The following WDR18 variants were observed in gnomAD, a reference collection of about 807,000 sequenced individuals.
WDR18 encodes the protein WD repeat-containing protein 18.
In WDR18, 33 loss-of-function variants were observed where a neutral mutation model predicts 49.6. The observed-to-expected ratio is 0.67, with a 90% CI of 0.50 to 0.89. The LOEUF (loss-of-function observed/expected upper bound fraction) is 0.89. Among genes scored for constraint, WDR18 ranks in the 40% least tolerant of loss-of-function variants. The probability of loss-of-function intolerance (pLI) is 0.00; values close to 1 mark genes in which losing one functional copy is unlikely to be tolerated. For synonymous variants in WDR18, 315 were observed against 263.6 expected, an observed-to-expected ratio of 1.19 and a Z score of -1.89; for missense variants, 653 against 593.6, an observed-to-expected ratio of 1.10 and a Z score of -1.04.
intron 1 of WDR18, among the ~76,000 whole-genome samples, chr19:984,856 C>T (rs909772303): frequency 2.0e-5 from 3 of 152,024 alleles, no homozygotes; most frequent in African/African-American, 7.3e-5. Flanking sequence ...TGCACGAGTT[C>T]TTGGAGCGCG....
rs1387039837 is a variant in WDR18, at chr19:994,477, CTG to C, written c.*136_*137del. ...TCTGTGTCGTGTTCGGGTTTTTCCTCTGTGACTGGGCCGTCTTGGTGTCTCGT... is the reference window on the plus strand; with the variant it reads ...TCTGTGTCGTGTTCGGGTTTTTCCTCTGACTGGGCCGTCTTGGTGTCTCGT... On this transcript the variant is annotated 3_prime_UTR_variant, in exon 10 of 10. Transcript: ENST00000585809. 2 of 1,319,492 alleles carry C rather than the reference CTG, an allele frequency of 1.5e-6. No individual in the cohort carries two copies. Among genetic ancestry groups the C allele is most frequent in the Non-Finnish European group, 2.0e-6 (2 of 986,316 alleles). The allele number at this position is 1,319,492 out of a possible 1,614,324, so 81.7% of individuals were successfully genotyped here. A position where few individuals can be genotyped will look rare whatever the true frequency, so the allele number is the denominator to read the frequency against.
rs986352491 is a variant in WDR18, at chr19:987,842, T to C, written c.321+1867T>C. Among the ~76,000 whole-genome samples, 3 of 142,562 alleles carry C rather than the reference T, an allele frequency of 2.1e-5. 1 individual carries two copies. The highest frequency in any genetic ancestry group is 8.1e-5 in the African/African-American group (3 of 37,034). 93.5% of individuals were successfully genotyped at this position (142,562 alleles called of 152,430 possible). ...TAGCCGCCTCCAGTTTTTTTTTTTT[T>C]TTTTTTTTTTCAGATGAAGTCTCGC... On this transcript the variant is annotated intron_variant, in intron 2 of 9. Coordinates refer to ENST00000585809, the MANE Select transcript of WDR18 (RefSeq NM_024100.4).
At chr19:988,128 C>T (rs150444140) in intron 2 of WDR18, among the ~76,000 whole-genome samples, 84 of 147,316 alleles carry the variant, frequency 5.7e-4, no homozygotes, top group African/African-American at 2.0e-3. Context: ...CTGCAGCTGG[C>T]CCTCCTGGAG....
At chr19:984,048 G>C (rs1044304192), upstream of WDR18, among the ~76,000 whole-genome samples, 1 of 152,180 alleles carries the variant, frequency 6.6e-6, no homozygotes, top group Non-Finnish European at 1.5e-5. Context: ...TGAGTCACTT[G>C]GCCAAAAATG....
In WDR18 at chr19:994,294, C is replaced by A. The variant is rs767939373; in HGVS notation, c.1249C>A (p.Arg417=). 1.9e-6 allele frequency: 3 copies of A among 1,611,114 alleles called. No homozygotes were observed. Among genetic ancestry groups the A allele is most frequent in the Non-Finnish European group, 2.5e-6 (3 of 1,179,360 alleles). Residue 417 remains arginine (R), a synonymous_variant, in exon 10 of 10, where the codon CGG becomes AGG. Transcript: ENST00000585809. The stretch of plus-strand genomic sequence containing the variant: ...GGTGCGCAACCTGCGCAAGATCAAT[C>A]GGGACCTGTTCGACTTCTCCACGCG... ...DEVRNLRKIN[R]DLFDFSTRFI...
At chr19:984,149 C>CA (rs994249728), upstream of WDR18, 16 of 546,756 alleles carry the variant, frequency 2.9e-5, no homozygotes, top group Admixed American at 4.3e-5. Flanking sequence ...GTCGCCTCCC[C>CA]AGATCTCTAA....
Position 984,348 on chromosome 19 carries a change from GGCAAGATGGCGGC to G in WDR18, c.-3_10del. The G allele has an allele frequency of 6.3e-7, 1 of 1,587,604 alleles. No individual in the cohort carries two copies. Among genetic ancestry groups the G allele is most frequent in the East Asian group, 2.4e-5 (1 of 41,354 alleles). ...GACGCACGTCCGGGGCGGTGGGGAA[GGCAAGATGGCGGC>G]GCCCATGGAGGTGGCCGTGTGTACG... On this transcript the variant is annotated start_lost and 5_prime_UTR_variant, in exon 1 of 10. Coordinates refer to ENST00000585809, the MANE Select transcript of WDR18 (RefSeq NM_024100.4).
Position 991,977 on chromosome 19 carries a change from C to T in WDR18, c.954C>T (p.Ile318=), listed in dbSNP as rs2038562206. The change falls in exon 8 of 10, where the codon ATC becomes ATT. Residue 318 remains isoleucine, a synonymous_variant. Transcript: ENST00000585809. ...CAGGCCCAGTCACCAATGCCGCCAT[C>T]CTGCTGGCGCCCGTCAGCATGCTGA... ...ALKGPVTNAA[I]LLAPVSMLSS... is the part of the protein sequence containing the mutation. 1 of 1,594,040 alleles carries T rather than the reference C, an allele frequency of 6.3e-7. No individual in the cohort carries two copies. Among genetic ancestry groups the T allele is most frequent in the Admixed American group, 1.7e-5 (1 of 59,220 alleles).
Position 990,878 on chromosome 19 carries a change from G to A in WDR18, c.624G>A (p.Leu208=). 6 of 1,611,726 alleles carry A rather than the reference G, an allele frequency of 3.7e-6. No homozygotes were observed. The highest frequency in any genetic ancestry group is 5.1e-6 in the Non-Finnish European group (6 of 1,179,308). The change falls in exon 5 of 10, where the codon CTG becomes CTA. Residue 208 remains leucine, a synonymous_variant. Coordinates refer to ENST00000585809, the MANE Select transcript of WDR18 (RefSeq NM_024100.4). ...TATGGGAGGTCTCCTCGGGGGAGCT[G>A]CTGCTCTCCGTCCTCTTTGACGTGT... ...VKLWEVSSGE[L]LLSVLFDVSI... is the part of the protein sequence containing the mutation.
chr19:987,829 G>GTTTTTTTTTT lies in WDR18; in HGVS notation c.321+1868_321+1877dup, dbSNP rs71174337. On this transcript the variant is annotated intron_variant, in intron 2 of 9. Coordinates refer to ENST00000585809, the MANE Select transcript of WDR18 (RefSeq NM_024100.4). ...ACCCCTGCTCCCCTAGCCGCCTCCAGTTTTTTTTTTTTTTTTTTTTTTTCA... is the reference window on the plus strand; with the variant it reads ...ACCCCTGCTCCCCTAGCCGCCTCCAGTTTTTTTTTTTTTTTTTTTTTTTTTTTTTTTTTCA... Among the ~76,000 whole-genome samples the GTTTTTTTTTT allele has an allele frequency of 1.0e-3, 96 of 91,796 alleles. 18 individuals are homozygous for GTTTTTTTTTT. The highest frequency in any genetic ancestry group is 4.0e-3 in the African/African-American group (75 of 18,930). The allele number at this position is 91,796 out of a possible 152,430, so 60.2% of individuals were successfully genotyped here.
chr19:987,191 A>C (rs2038484191), intron 2 of WDR18, among the ~76,000 whole-genome samples: 1 of 152,122 alleles, frequency 6.6e-6, no homozygotes, highest in African/African-American at 2.4e-5. Flanking sequence ...AAAAATAGAA[A>C]AATTAGCTGG....
In WDR18 at chr19:985,900, T is replaced by A. The variant is rs10424540; in HGVS notation, c.246T>A (p.Pro82=). 2.4e-4 allele frequency: 389 copies of A among 1,613,918 alleles called. No individual in the cohort carries two copies. In the African/African-American group the frequency reaches 4.0e-3, roughly 17 times the overall value. Residue 82 remains proline (P), a synonymous_variant, in exon 2 of 10, where the codon CCT becomes CCA. Coordinates refer to ENST00000585809, the MANE Select transcript of WDR18 (RefSeq NM_024100.4). The part of the protein sequence containing the change: ...QLQQKIMCPG[P]VTCLTASPNG... ...AGCAGAAGATCATGTGCCCCGGGCC[T>A]GTCACCTGTCTGACTGCATCACCCA... is the stretch of plus-strand genomic sequence containing the variant.
chr19:991,752 G>C (rs966426433), intron 7 of WDR18, among the ~76,000 whole-genome samples: 1 of 80,452 alleles, frequency 1.2e-5, no homozygotes, highest in African/African-American at 5.2e-5. Flanking sequence ...GCCTGGCTGG[G>C]GGCGTGAACT....
chr19:990,613 G>A, intron 4 of WDR18: 1 of 804,444 alleles, frequency 1.2e-6, no homozygotes, highest in Non-Finnish European at 1.9e-6. Flanking sequence ...CTATGCTTGA[G>A]TCGTGACCGG....
At position 991,307 on chromosome 19, in the gene WDR18, G is replaced by A; in HGVS notation, c.887G>A (p.Trp296Ter). The A allele has an allele frequency of 1.3e-6, 2 of 1,560,626 alleles. No homozygotes were observed. Among genetic ancestry groups the A allele is most frequent in the Non-Finnish European group, 1.7e-6 (2 of 1,152,404 alleles). Residue 296 changes from tryptophan (W) to a stop codon, truncating the protein, a stop_gained, in exon 7 of 10, where the codon TGG becomes TAG. Transcript: ENST00000585809. LOFTEE classifies it high-confidence loss of function. ...SGSHDETVRL[W>*]DVQSKQCIRT... ...TCCCACGACGAGACCGTGCGCCTCT[G>A]GGACGTGCAGAGCAAGCAGTGCATC...
At position 991,215 on chromosome 19, in the gene WDR18, C is replaced by T; in HGVS notation, c.807-12C>T. ...CTGGCACGTCCCAGGTGACCCCTGT[C>T]TGTCTGTCCAGGAACCAGGTGACTT... On this transcript the variant is annotated splice_polypyrimidine_tract_variant and intron_variant, in intron 6 of 9. Transcript: ENST00000585809. 3 of 1,566,360 alleles carry T rather than the reference C, an allele frequency of 1.9e-6. No homozygotes were observed. Among genetic ancestry groups the T allele is most frequent in the Non-Finnish European group, 2.6e-6 (3 of 1,154,062 alleles).
intron 1 of WDR18, 35 bp downstream of exon 1, chr19:984,598 G>C: frequency 1.2e-5 from 16 of 1,389,916 alleles, no homozygotes; most frequent in Non-Finnish European, 1.5e-5. Context: ...GGGGTCATGG[G>C]GCGCCCGAGG....
chr19:993,946 C>G (rs958672027), intron 8 of WDR18, 74 bp from the exon 9 acceptor site: 10 of 1,509,148 alleles, frequency 6.6e-6, no homozygotes, highest in Admixed American at 6.0e-5. Context: ...CCCACGCTGG[C>G]GGGGGTGGGA....
At position 990,256 on chromosome 19, in the gene WDR18, G is replaced by A. The variant is rs1328664100; in HGVS notation, c.489G>A (p.Ala163=). 2.5e-5 allele frequency: 40 copies of A among 1,598,880 alleles called. No individual in the cohort carries two copies. Among genetic ancestry groups the A allele is most frequent in the East Asian group, 4.5e-5 (2 of 44,822 alleles). The part of the protein sequence containing the change: ...VLQADPSRIP[A]PRHVWSHHAL... ...AGGCCGACCCCTCCAGGATTCCGGCGCCCAGGCACGTCTGGTCTCACCACG... is the reference window on the plus strand; with the variant it reads ...AGGCCGACCCCTCCAGGATTCCGGCACCCAGGCACGTCTGGTCTCACCACG... The change falls in exon 4 of 10, where the codon GCG becomes GCA. Residue 163 remains alanine (A), a synonymous_variant. Transcript: ENST00000585809.
Sources: allele counts gnomAD v4.1 joint callset (sites outside exome capture counted in the v4.1 genomes callset), GRCh38; gene constraint gnomAD v4.1.1; transcripts MANE v1.5; gene names NCBI Gene and HGNC (gene_info 2026-07-23, HGNC 2026-07-21).